Variants in ETV6 observed in about 807,000 individuals in gnomAD.
The protein encoded by ETV6 is ETS variant transcription factor 6.
ETV6 carries 16 observed loss-of-function variants against 51.1 expected under a neutral mutation model. The ratio of observed to expected loss-of-function variants is 0.31; its 90% CI spans 0.21 to 0.48. The LOEUF is 0.48. Ranked by LOEUF, ETV6 falls within the 20% of genes least tolerant of loss-of-function variation. The pLI is 0.99. For missense variants in ETV6, 458 were observed against 594.8 expected, an observed-to-expected ratio of 0.77 and a Z score of 2.39; for synonymous variants, 240 against 224.1, an observed-to-expected ratio of 1.07 and a Z score of -0.64.
At chr12:11,654,113 G>A (rs907474969) in intron 1 of ETV6, among the ~76,000 whole-genome samples, 2 of 152,078 alleles carry the variant, frequency 1.3e-5, no homozygotes, top group Admixed American at 6.6e-5. Context: ...TGCGTCCAGC[G>A]TAATGTTTTA....
chr12:11,817,247 G>C (rs1369816681), intron 2 of ETV6, among the ~76,000 whole-genome samples: 1 of 152,170 alleles, frequency 6.6e-6, no homozygotes, highest in Non-Finnish European at 1.5e-5. Context: ...CAGGTATATA[G>C]TATAATCTCA....
At chr12:11,675,483 G>C (rs1864406479) in intron 1 of ETV6, among the ~76,000 whole-genome samples, 1 of 152,136 alleles carries the variant, frequency 6.6e-6, no homozygotes, top group Non-Finnish European at 1.5e-5. Context: ...CAGAAGAAAT[G>C]TTCATTTACA....
At chr12:11,702,641 C>T (rs1350161154) in intron 1 of ETV6, among the ~76,000 whole-genome samples, 1 of 150,876 alleles carries the variant, frequency 6.6e-6, no homozygotes, top group Non-Finnish European at 1.5e-5. Flanking sequence ...AAATTTCATG[C>T]AAGGGTATAA....
chr12:11,740,242 G>T (rs1407421886), intron 1 of ETV6, among the ~76,000 whole-genome samples: 1 of 152,180 alleles, frequency 6.6e-6, no homozygotes, highest in African/African-American at 2.4e-5. Context: ...TACAACCAAA[G>T]GGGAATTCCA....
intron 1 of ETV6, among the ~76,000 whole-genome samples, chr12:11,741,482 C>T (rs1404485450): frequency 6.6e-6 from 1 of 152,180 alleles, no homozygotes; most frequent in Non-Finnish European, 1.5e-5. Context: ...TGTCTTGCTC[C>T]TGCCACACAC....
In ETV6 at chr12:11,892,554, G is replaced by A. The variant is rs1947311503; in HGVS notation, c.*1508G>A. The A allele has an allele frequency of 4.3e-6, 1 of 230,850 alleles. No homozygotes were observed. The highest frequency in any genetic ancestry group is 8.5e-6 in the Non-Finnish European group (1 of 117,558). The allele number at this position is 230,850 out of a possible 1,614,324, so 14.3% of individuals were successfully genotyped here. ...CATCTAAATTGACTCTTCCAATATA[G>A]GTCTCAGAAATCCAATATTTGGAGT... On this transcript the variant is annotated 3_prime_UTR_variant, in exon 8 of 8. Coordinates refer to ENST00000396373, the MANE Select transcript of ETV6 (RefSeq NM_001987.5).
intron 4 of ETV6, among the ~76,000 whole-genome samples, chr12:11,865,008 T>G (rs1274787132): frequency 6.6e-6 from 1 of 152,062 alleles, no homozygotes; most frequent in African/African-American, 2.4e-5. Flanking sequence ...TCCCAGCACT[T>G]TGGGAGGCTG....
In ETV6 at chr12:11,894,722, A is replaced by T. The variant is rs1947366665; in HGVS notation, c.*3676A>T. ...AGTCTGAATACATTTTTGAAATAGG[A>T]ACTCCCTTTTGCAAAAAAGAAACCT... On this transcript the variant is annotated 3_prime_UTR_variant, in exon 8 of 8. Coordinates refer to ENST00000396373, the MANE Select transcript of ETV6 (RefSeq NM_001987.5). 1 of 233,084 alleles carries T rather than the reference A, an allele frequency of 4.3e-6. No homozygotes were observed. The highest frequency in any genetic ancestry group is 5.6e-5 in the Admixed American group (1 of 17,772). 14.4% of individuals were successfully genotyped at this position (233,084 alleles called of 1,614,324 possible).
chr12:11,746,685 T>C (rs1865914565), intron 1 of ETV6, among the ~76,000 whole-genome samples: 1 of 152,092 alleles, frequency 6.6e-6, no homozygotes. Flanking sequence ...TAGTTGACCC[T>C]TGATGGATGC....
At chr12:11,705,632 A>G (rs1865060495) in intron 1 of ETV6, among the ~76,000 whole-genome samples, 1 of 152,258 alleles carries the variant, frequency 6.6e-6, no homozygotes, top group Non-Finnish European at 1.5e-5. Flanking sequence ...ATACATTAAC[A>G]TATTAACAAA....
chr12:11,871,432 C>G lies in ETV6; in HGVS notation c.1009+1463C>G, dbSNP rs146007364. On this transcript the variant is annotated intron_variant, in intron 5 of 7. Transcript: ENST00000396373. The stretch of plus-strand genomic sequence containing the variant: ...GTCTTGATCTCCTGACCTCGCGATC[C>G]GCCTGCGTCGGCCTCCTAAAGTGCT... Among the ~76,000 whole-genome samples the G allele has an allele frequency of 3.7e-3, 559 of 152,118 alleles. 6 individuals are homozygous for G. The highest frequency in any genetic ancestry group is 0.013 in the African/African-American group (536 of 41,476).
At chr12:11,810,750 A>C (rs574352380) in intron 2 of ETV6, among the ~76,000 whole-genome samples, 10 of 152,258 alleles carry the variant, frequency 6.6e-5, no homozygotes, top group African/African-American at 2.4e-4. Context: ...AAGATTTGAA[A>C]CTATTATTAT....
chr12:11,831,902 C>T (rs1232708919), intron 2 of ETV6, among the ~76,000 whole-genome samples: 1 of 152,152 alleles, frequency 6.6e-6, no homozygotes, highest in East Asian at 1.9e-4. Context: ...AAGGTAGATT[C>T]TGAGAAGTTA....
chr12:11,712,027 G>A (rs1436532107), intron 1 of ETV6, among the ~76,000 whole-genome samples: 1 of 152,012 alleles, frequency 6.6e-6, no homozygotes. Flanking sequence ...GATTGTGTTA[G>A]TTTCCCATCA....
chr12:11,738,718 C>T (rs1316734557), intron 1 of ETV6, among the ~76,000 whole-genome samples: 1 of 152,164 alleles, frequency 6.6e-6, no homozygotes, highest in Non-Finnish European at 1.5e-5. Flanking sequence ...AGGTATTTCA[C>T]TTTGTAAAGA....
chr12:11,660,194 C>CA (rs1272704158), intron 1 of ETV6, among the ~76,000 whole-genome samples: 3 of 151,642 alleles, frequency 2.0e-5, no homozygotes, highest in African/African-American at 7.3e-5. Flanking sequence ...TATATATCAA[C>CA]AAAAAAAATC....
At chr12:11,873,508 C>T (rs1156237053) in intron 5 of ETV6, among the ~76,000 whole-genome samples, 1 of 44,238 alleles carries the variant, frequency 2.3e-5, no homozygotes, top group South Asian at 6.2e-4. Context: ...AACTTAGTTC[C>T]TTAAAGCTTT....
intron 2 of ETV6, among the ~76,000 whole-genome samples, chr12:11,814,147 C>T (rs1019178003): frequency 1.3e-5 from 2 of 152,046 alleles, no homozygotes; most frequent in African/African-American, 2.4e-5. Flanking sequence ...ATAATGGTGA[C>T]CCCAAAGTTC....
At chr12:11,843,373 T>A (rs550181423) in intron 3 of ETV6, among the ~76,000 whole-genome samples, 7 of 152,346 alleles carry the variant, frequency 4.6e-5, no homozygotes, top group African/African-American at 1.7e-4. Flanking sequence ...CCTTTAGCAG[T>A]TTGGTGTAGT....
Sources: gnomAD v4.1 joint callset for allele counts (sites outside exome capture counted in the v4.1 genomes callset) on GRCh38, gnomAD v4.1.1 for gene constraint, MANE v1.5 for transcripts, NCBI Gene and HGNC (gene_info 2026-07-23, HGNC 2026-07-21) for gene names.